Variants in THAP8 observed in about 807,000 individuals in gnomAD.
The protein encoded by THAP8 is THAP domain-containing protein 8.
Under a neutral mutation model 25.0 loss-of-function variants are expected in THAP8, and 24 were observed. The ratio of observed to expected loss-of-function variants is 0.96; its 90% CI spans 0.69 to 1.35. The LOEUF is 1.35. Among genes scored for constraint, THAP8 ranks in the 40% most tolerant of loss-of-function variants. THAP8 has a pLI of 0.00. For synonymous variants in THAP8, 169 were observed against 157.6 expected, an observed-to-expected ratio of 1.07 and a Z score of -0.54; for missense variants, 399 against 368.8, an observed-to-expected ratio of 1.08 and a Z score of -0.67.
At chr19:36,035,796 G>C (rs1969417190) in intron 3 of THAP8, among the ~76,000 whole-genome samples, 1 of 151,960 alleles carries the variant, frequency 6.6e-6, no homozygotes, top group Admixed American at 6.6e-5. Context: ...GAAGGGTGGG[G>C]AAATGGGAAG....
chr19:36,048,811 C>T (rs1341454446), intron 1 of THAP8, among the ~76,000 whole-genome samples: 1 of 136,916 alleles, frequency 7.3e-6, no homozygotes, highest in Non-Finnish European at 1.5e-5. Flanking sequence ...TGGTGCTGCA[C>T]TCTAGCCCAG....
chr19:36,040,009 A>G lies in THAP8; in HGVS notation c.211T>C (p.Trp71Arg), dbSNP rs1384837144. ...HFTPSCFQWR[W>R]GVRYLRPDAV... ...TCAGGCCGCAGGTAGCGCACACCCC[A>G]GCGCCACTGGAAGCAGGAGGGTGTG... Residue 71 changes from tryptophan (W) to arginine (R), a missense_variant, in exon 2 of 4, where the codon TGG becomes CGG. Physicochemically the swap from Trp to Arg is moderately radical, Grantham distance 101. Coordinates refer to ENST00000292894, the MANE Select transcript of THAP8 (RefSeq NM_152658.3). 6 of 1,613,686 alleles carry G rather than the reference A, an allele frequency of 3.7e-6. No individual in the cohort carries two copies. The highest frequency in any genetic ancestry group is 2.5e-6 in the Non-Finnish European group (3 of 1,179,962).
intron 3 of THAP8, 30 bp from the exon 4 acceptor site, chr19:36,035,622 A>C (rs1568547845): frequency 6.3e-7 from 1 of 1,599,368 alleles, no homozygotes; most frequent in East Asian, 2.2e-5. Flanking sequence ...GAGATGGGGA[A>C]CATTACGAAG....
intron 1 of THAP8, among the ~76,000 whole-genome samples, chr19:36,051,208 A>G (rs1211897590): frequency 6.6e-6 from 1 of 152,172 alleles, no homozygotes; most frequent in African/African-American, 2.4e-5. Flanking sequence ...TCACACAGGC[A>G]AAGTCCCCAG....
At chr19:36,048,461 G>A (rs1451774423) in intron 1 of THAP8, among the ~76,000 whole-genome samples, 1 of 151,900 alleles carries the variant, frequency 6.6e-6, no homozygotes, top group African/African-American at 2.4e-5. Context: ...CGCCTCCCAG[G>A]TTCAAGCGAT....
chr19:36,051,507 A>C (rs1017240278), intron 1 of THAP8, among the ~76,000 whole-genome samples: 1 of 152,116 alleles, frequency 6.6e-6, no homozygotes, highest in Non-Finnish European at 1.5e-5. Context: ...CAGGGAGACC[A>C]ATGAAGAGGC....
At chr19:36,051,120 G>A (rs1305146903) in intron 1 of THAP8, among the ~76,000 whole-genome samples, 1 of 152,154 alleles carries the variant, frequency 6.6e-6, no homozygotes, top group Non-Finnish European at 1.5e-5. Context: ...AGAGAGAATC[G>A]TGTGTGTGTT....
At position 36,034,987 on chromosome 19, in the gene THAP8, T is replaced by C. The variant is rs1969376643; in HGVS notation, c.*453A>G. On this transcript the variant is annotated 3_prime_UTR_variant, in exon 4 of 4. Transcript: ENST00000292894. ...TTGTCTTTATAGCACTCATCGCTCA[T>C]GTCTGCAGTGTTCTTGTTTATTTGT... The C allele has an allele frequency of 6.4e-6, 1 of 155,286 alleles. No homozygotes were observed. The highest frequency in any genetic ancestry group is 1.4e-5 in the Non-Finnish European group (1 of 70,090). 9.6% of individuals were successfully genotyped at this position (155,286 alleles called of 1,614,324 possible).
Position 36,053,366 on chromosome 19 carries a change from CAAAAAAAAAAAAAAAAAA to C in THAP8, c.83+751_83+768del, listed in dbSNP as rs58744657. Among the ~76,000 whole-genome samples, 9 of 77,082 alleles carry C rather than the reference CAAAAAAAAAAAAAAAAAA, an allele frequency of 1.2e-4. No individual in the cohort carries two copies. The South Asian group carries it at 2.7e-3, about 23-fold the overall frequency. 50.6% of individuals were successfully genotyped at this position (77,082 alleles called of 152,430 possible). On this transcript the variant is annotated intron_variant, in intron 1 of 3. Coordinates refer to ENST00000292894, the MANE Select transcript of THAP8 (RefSeq NM_152658.3). Reference sequence around the variant, plus strand: ...TACAGGCGTGAGCCACCAAGCCTGGCAAAAAAAAAAAAAAAAAAAAAAAAAAAAAAAAATTTAAATTAT... The same window carrying C: ...TACAGGCGTGAGCCACCAAGCCTGGCAAAAAAAAAAAAAAATTTAAATTAT...
intron 1 of THAP8, among the ~76,000 whole-genome samples, chr19:36,045,482 T>C (rs1172293982): frequency 6.6e-6 from 1 of 152,088 alleles, no homozygotes; most frequent in East Asian, 1.9e-4. Flanking sequence ...TTGCCCAGGC[T>C]GGTCTCAAAC....
intron 1 of THAP8, among the ~76,000 whole-genome samples, chr19:36,043,291 G>A (rs895258005): frequency 6.6e-6 from 1 of 152,100 alleles, no homozygotes; most frequent in African/African-American, 2.4e-5. Context: ...AGGGCCATTA[G>A]GGTAAGTGAA....
intron 1 of THAP8, among the ~76,000 whole-genome samples, chr19:36,042,778 G>A (rs959277768): frequency 6.6e-6 from 1 of 151,986 alleles, no homozygotes; most frequent in African/African-American, 2.4e-5. Flanking sequence ...TTTTTGGGGG[G>A]AGGGAGGAGA....
chr19:36,037,299 TACACACACAC>T (rs376932776), intron 3 of THAP8, among the ~76,000 whole-genome samples: 1 of 67,766 alleles, frequency 1.5e-5, no homozygotes, highest in Middle Eastern at 9.8e-3. Flanking sequence ...CTTCCTCCCC[TACACACACAC>T]ACACACACAA....
intron 1 of THAP8, among the ~76,000 whole-genome samples, chr19:36,051,827 C>T (rs1009580259): frequency 6.6e-6 from 1 of 152,036 alleles, no homozygotes; most frequent in African/African-American, 2.4e-5. Context: ...AGGAATAGGG[C>T]CACACAGCAG....
intron 1 of THAP8, among the ~76,000 whole-genome samples, chr19:36,043,436 GT>G (rs1969770851): frequency 6.6e-6 from 1 of 152,130 alleles, no homozygotes; most frequent in East Asian, 1.9e-4. Context: ...GGGATAGAGT[GT>G]TTTAGGAGAG....
Position 36,054,153 on chromosome 19 carries a change from C to T in THAP8, c.65G>A (p.Arg22His). The T allele has an allele frequency of 6.2e-7, 1 of 1,613,926 alleles. No homozygotes were observed. The highest frequency in any genetic ancestry group is 8.5e-7 in the Non-Finnish European group (1 of 1,179,938). Residue 22 changes from arginine to histidine, a missense_variant, in exon 1 of 4, where the codon CGC becomes CAC. By Grantham distance (29) the Arg-to-His change is conservative (BLOSUM62 0). Transcript: ENST00000292894. ...NTAGRLGADN[R>H]PVSFYKFPLK... ...CGCTCACTTGTAGAAGCTCACAGGG[C>T]GGTTGTCTGCACCCAGGCGGCCCGC...
At chr19:36,043,960 G>A (rs572166070) in intron 1 of THAP8, among the ~76,000 whole-genome samples, 3 of 152,272 alleles carry the variant, frequency 2.0e-5, no homozygotes, top group African/African-American at 7.2e-5. Flanking sequence ...AGGATTATCT[G>A]ATGAGGGACC....
At chr19:36,048,349 A>T (rs1048946955) in intron 1 of THAP8, among the ~76,000 whole-genome samples, 1 of 150,918 alleles carries the variant, frequency 6.6e-6, no homozygotes, top group African/African-American at 2.4e-5. Flanking sequence ...AGCCTGGGCA[A>T]CATAGTGGGA....
chr19:36,036,326 A>G (rs532972248), intron 3 of THAP8, among the ~76,000 whole-genome samples: 1 of 133,084 alleles, frequency 7.5e-6, no homozygotes, highest in Non-Finnish European at 1.5e-5. Flanking sequence ...CCCAGGCTGG[A>G]GTGCAGTAGC....
Sources: allele counts gnomAD v4.1 joint callset (sites outside exome capture counted in the v4.1 genomes callset), GRCh38; gene constraint gnomAD v4.1.1; transcripts MANE v1.5; gene names NCBI Gene and HGNC (gene_info 2026-07-23, HGNC 2026-07-21).